Variants in CA10 observed in about 807,000 individuals in gnomAD.
CA10 encodes carbonic anhydrase-related protein 10.
A neutral mutation model predicts 44.2 loss-of-function variants in CA10; 14 were observed. The observed-to-expected ratio is 0.32, with a 90% confidence interval of 0.21 to 0.50. The LOEUF is 0.50. Ranked by LOEUF, CA10 falls within the 20% of genes least tolerant of loss-of-function variation. The probability of loss-of-function intolerance (pLI) is 0.99; values close to 1 mark genes in which losing one functional copy is unlikely to be tolerated. For synonymous variants in CA10, 159 were observed against 141.6 expected (o/e 1.12, Z -0.87); for missense variants, 350 against 409.7 (o/e 0.85, Z 1.26).
chr17:51,874,547 A>G (rs1300891306), intron 3 of CA10, among the ~76,000 whole-genome samples: 1 of 152,190 alleles, frequency 6.6e-6, no homozygotes, highest in Non-Finnish European at 1.5e-5. Context: ...CTCTGACCAC[A>G]TGCACCAGGA....
At chr17:51,814,248 T>C (rs1447728295) in intron 3 of CA10, among the ~76,000 whole-genome samples, 1 of 152,226 alleles carries the variant, frequency 6.6e-6, no homozygotes, top group Non-Finnish European at 1.5e-5. Context: ...TAAACTTTTA[T>C]AACTCTTCAG....
intron 6 of CA10, among the ~76,000 whole-genome samples, chr17:51,644,092 CCT>C (rs1156839387): frequency 1.3e-5 from 2 of 152,126 alleles, no homozygotes; most frequent in Non-Finnish European, 2.9e-5. Flanking sequence ...CGAGATTCTC[CCT>C]CTTTCCTCCT....
intron 4 of CA10, among the ~76,000 whole-genome samples, chr17:51,676,767 C>A (rs1218996298): frequency 6.6e-6 from 1 of 152,210 alleles, no homozygotes; most frequent in East Asian, 1.9e-4. Flanking sequence ...AACTGCAAAA[C>A]CCTACCATTC....
chr17:51,928,957 T>A (rs1259532441), intron 3 of CA10, among the ~76,000 whole-genome samples: 2 of 152,186 alleles, frequency 1.3e-5, no homozygotes, highest in Non-Finnish European at 2.9e-5. Context: ...TCTCAGCTCT[T>A]CAAACCACTG....
chr17:52,131,958 A>C (rs1343849153), intron 1 of CA10, among the ~76,000 whole-genome samples: 2 of 152,112 alleles, frequency 1.3e-5, no homozygotes, highest in African/African-American at 4.8e-5. Flanking sequence ...GGAATTGAAA[A>C]ATGAGAACAC....
intron 1 of CA10, among the ~76,000 whole-genome samples, chr17:52,142,238 C>T (rs1650006968): frequency 2.6e-5 from 4 of 152,150 alleles, no homozygotes; most frequent in Admixed American, 1.3e-4. Context: ...ACATCACTTT[C>T]AACAGTGTGA....
chr17:51,813,027 C>A (rs1288470328), intron 3 of CA10, among the ~76,000 whole-genome samples: 1 of 152,168 alleles, frequency 6.6e-6, no homozygotes, highest in Non-Finnish European at 1.5e-5. Flanking sequence ...GTTCAATTGG[C>A]ATTAAAATTT....
chr17:52,119,248 G>T (rs1399450537), intron 1 of CA10, among the ~76,000 whole-genome samples: 1 of 150,984 alleles, frequency 6.6e-6, no homozygotes, highest in Non-Finnish European at 1.5e-5. Context: ...CAGTATTCAT[G>T]ACTTATGGCA....
At chr17:51,905,614 G>A (rs1310483100) in intron 3 of CA10, among the ~76,000 whole-genome samples, 1 of 143,338 alleles carries the variant, frequency 7.0e-6, no homozygotes, top group Non-Finnish European at 1.5e-5. Flanking sequence ...CTTATAGCTG[G>A]TTGGACCTAG....
chr17:51,981,978 G>T (rs1052336322), intron 2 of CA10, among the ~76,000 whole-genome samples: 1 of 151,918 alleles, frequency 6.6e-6, no homozygotes, highest in Non-Finnish European at 1.5e-5. Flanking sequence ...ATATATGAGG[G>T]TATTAAGAAG....
At position 51,714,948 on chromosome 17, in the gene CA10, T is replaced by G. The variant is rs1916052241; in HGVS notation, c.465+32685A>C. On this transcript the variant is annotated intron_variant, in intron 4 of 8. Transcript: ENST00000451037. The stretch of plus-strand genomic sequence containing the variant: ...GCCCTTTTCTCAAATTATCAGTACT[T>G]TATAAGAATTCTAGCTTTTCAATAA... 2.0e-5 allele frequency among the ~76,000 whole-genome samples: 3 copies of G among 152,226 alleles called. No individual in the cohort carries two copies. In the South Asian group the frequency reaches 6.2e-4, roughly 32 times the overall value.
At chr17:51,798,884 ACT>A (rs1428542834) in intron 3 of CA10, among the ~76,000 whole-genome samples, 2 of 152,232 alleles carry the variant, frequency 1.3e-5, no homozygotes, top group Non-Finnish European at 2.9e-5. Flanking sequence ...TTTTATGCCA[ACT>A]CTGCGCATCA....
chr17:51,935,287 T>C (rs1476325086), intron 2 of CA10, among the ~76,000 whole-genome samples: 1 of 152,162 alleles, frequency 6.6e-6, no homozygotes, highest in Non-Finnish European at 1.5e-5. Context: ...CAAAATCAGA[T>C]GTTTAAACTT....
At chr17:51,754,399 T>TGATA (rs1555595778) in intron 3 of CA10, among the ~76,000 whole-genome samples, 1 of 80,234 alleles carries the variant, frequency 1.2e-5, no homozygotes, top group African/African-American at 4.8e-5. Context: ...TGTGTGTGTG[T>TGATA]GATATATATA....
At chr17:51,923,060 T>C (rs1332037716) in intron 3 of CA10, among the ~76,000 whole-genome samples, 1 of 152,190 alleles carries the variant, frequency 6.6e-6, no homozygotes, top group Non-Finnish European at 1.5e-5. Flanking sequence ...ATCTGCTGTA[T>C]CCCACAAACA....
intron 3 of CA10, among the ~76,000 whole-genome samples, chr17:51,844,174 A>G (rs866359344): frequency 2.0e-5 from 3 of 152,136 alleles, no homozygotes; most frequent in Non-Finnish European, 2.9e-5. Context: ...AAGAAGAGGA[A>G]ATTTTTAAGG....
chr17:51,738,581 G>A (rs9916222), intron 4 of CA10, among the ~76,000 whole-genome samples: 2,240 of 152,010 alleles, frequency 0.015, 63 homozygotes, highest in African/African-American at 0.051. Flanking sequence ...ATTATGGCTC[G>A]CTCTCACATT....
intron 3 of CA10, among the ~76,000 whole-genome samples, chr17:51,867,932 C>T (rs528406827): frequency 5.3e-5 from 8 of 152,276 alleles, no homozygotes; most frequent in Non-Finnish European, 1.0e-4. Flanking sequence ...ATGAATTCTG[C>T]ATAAAATGTA....
intron 3 of CA10, among the ~76,000 whole-genome samples, chr17:51,793,418 G>A (rs1906595778): frequency 6.6e-6 from 1 of 152,236 alleles, no homozygotes; most frequent in Middle Eastern, 3.4e-3. Flanking sequence ...AAGGAGGAAG[G>A]ACCACAGACT....
Sources: gnomAD v4.1 joint callset for allele counts (sites outside exome capture counted in the v4.1 genomes callset) on GRCh38, gnomAD v4.1.1 for gene constraint, MANE v1.5 for transcripts, NCBI Gene and HGNC (gene_info 2026-07-23, HGNC 2026-07-21) for gene names.